The following ZBTB20 variants were observed in gnomAD, a reference collection of about 807,000 sequenced individuals.
The protein encoded by ZBTB20 is zinc finger and BTB domain containing 20.
ZBTB20 carries 9 observed loss-of-function variants against 56.9 expected under a neutral mutation model. The observed-to-expected ratio is 0.16, with a 90% CI of 0.10 to 0.28. ZBTB20 has a LOEUF of 0.28. Among genes scored for constraint, ZBTB20 ranks in the 10% least tolerant of loss-of-function variants. ZBTB20 has a pLI of 1.00. For missense variants in ZBTB20, 655 were observed against 1,003.0 expected, an observed-to-expected ratio of 0.65 and a Z score of 4.69; for synonymous variants, 417 against 420.7, an observed-to-expected ratio of 0.99 and a Z score of 0.11.
intron 3 of ZBTB20, among the ~76,000 whole-genome samples, chr3:114,971,099 T>G (rs2077863584): frequency 6.6e-6 from 1 of 152,276 alleles, no homozygotes; most frequent in East Asian, 1.9e-4. Flanking sequence ...GTATCAAAAC[T>G]GGGAATTTAT....
At chr3:114,473,112 A>C (rs147576722) in intron 7 of ZBTB20, among the ~76,000 whole-genome samples, 171 of 152,304 alleles carry the variant, frequency 1.1e-3, no homozygotes, top group African/African-American at 3.9e-3. Flanking sequence ...GCACAGACAT[A>C]CTTCAACTGT....
chr3:114,640,293 G>T (rs1479787039), intron 6 of ZBTB20, among the ~76,000 whole-genome samples: 1 of 152,056 alleles, frequency 6.6e-6, no homozygotes, highest in Non-Finnish European at 1.5e-5. Flanking sequence ...AGGGCGGGGT[G>T]AATGATTCTC....
intron 10 of ZBTB20, among the ~76,000 whole-genome samples, chr3:114,361,269 A>G (rs2081847485): frequency 6.6e-6 from 1 of 152,162 alleles, no homozygotes; most frequent in Non-Finnish European, 1.5e-5. Context: ...TCTTCTGCTG[A>G]ATTTTCCGCA....
chr3:115,079,520 C>T (rs1576728097), intron 1 of ZBTB20, among the ~76,000 whole-genome samples: 1 of 152,254 alleles, frequency 6.6e-6, no homozygotes, highest in East Asian at 1.9e-4. Flanking sequence ...TCCTGAGTAG[C>T]TGGAATTGCA....
intron 3 of ZBTB20, chr3:114,930,604 C>G (rs928147508): frequency 6.3e-6 from 1 of 159,284 alleles, no homozygotes; most frequent in African/African-American, 2.4e-5. Context: ...CCACCTGCAG[C>G]GGCGCAGGGA....
intron 10 of ZBTB20, among the ~76,000 whole-genome samples, chr3:114,360,834 G>T (rs536094292): frequency 6.6e-6 from 1 of 151,922 alleles, no homozygotes; most frequent in Non-Finnish European, 1.5e-5. Flanking sequence ...ATTCATCTGC[G>T]CACCTAGGGT....
intron 8 of ZBTB20, among the ~76,000 whole-genome samples, chr3:114,382,978 T>C (rs2084572760): frequency 6.6e-6 from 1 of 152,242 alleles, no homozygotes; most frequent in East Asian, 1.9e-4. Flanking sequence ...CAATGTAGCT[T>C]AGACAAAGCT....
rs1044036480 is a variant in ZBTB20, at chr3:114,948,451, A to G, written c.-456+25915T>C. Among the ~76,000 whole-genome samples the G allele has an allele frequency of 2.7e-5, 4 of 146,274 alleles. 1 individual carries two copies. The highest frequency in any genetic ancestry group is 5.6e-5 in the African/African-American group (2 of 36,020). ...CAAGTCAAAAACACTTATAAATTAAAGTTATATGGAATGAAAAGGTAGAAA... is the reference window on the plus strand; with the variant it reads ...CAAGTCAAAAACACTTATAAATTAAGGTTATATGGAATGAAAAGGTAGAAA... On this transcript the variant is annotated intron_variant, in intron 3 of 11. Coordinates refer to ENST00000675478, the MANE Select transcript of ZBTB20 (RefSeq NM_001348800.3).
intron 5 of ZBTB20, among the ~76,000 whole-genome samples, chr3:114,696,497 A>C (rs2063023621): frequency 1.3e-5 from 2 of 151,996 alleles, no homozygotes; most frequent in South Asian, 2.1e-4. Flanking sequence ...TTCTTCTAAG[A>C]GATGCCTAAC....
At chr3:115,122,594 C>A (rs894355497) in intron 1 of ZBTB20, among the ~76,000 whole-genome samples, 2 of 152,008 alleles carry the variant, frequency 1.3e-5, no homozygotes, top group Non-Finnish European at 2.9e-5. Context: ...TGTCACAGTC[C>A]CTCAGTGCCT....
intron 4 of ZBTB20, among the ~76,000 whole-genome samples, chr3:114,859,398 T>G (rs1008383076): frequency 1.3e-5 from 2 of 151,744 alleles, no homozygotes; most frequent in Non-Finnish European, 2.9e-5. Context: ...CCTTCTTCCT[T>G]TTCTTTTCTC....
intron 5 of ZBTB20, among the ~76,000 whole-genome samples, chr3:114,782,403 G>A (rs1347681559): frequency 1.3e-5 from 2 of 152,130 alleles, no homozygotes; most frequent in African/African-American, 2.4e-5. Flanking sequence ...ATGGAGGGGC[G>A]TGTTGAAGTA....
intron 7 of ZBTB20, among the ~76,000 whole-genome samples, chr3:114,431,697 T>C (rs2090135955): frequency 6.6e-6 from 1 of 152,150 alleles, no homozygotes; most frequent in South Asian, 2.1e-4. Context: ...TACCCCAATA[T>C]TAATGACAAA....
intron 6 of ZBTB20, among the ~76,000 whole-genome samples, chr3:114,589,301 C>T (rs1267635970): frequency 6.6e-6 from 1 of 152,128 alleles, no homozygotes; most frequent in Non-Finnish European, 1.5e-5. Context: ...ATACCAACAA[C>T]TGGGTTTAGA....
At chr3:114,839,793 G>C (rs1012848211) in intron 4 of ZBTB20, among the ~76,000 whole-genome samples, 1 of 152,190 alleles carries the variant, frequency 6.6e-6, no homozygotes, top group Non-Finnish European at 1.5e-5. Flanking sequence ...TGTGAAGACA[G>C]AGGCACAAAC....
chr3:114,849,011 T>C (rs1170108473), intron 4 of ZBTB20, among the ~76,000 whole-genome samples: 3 of 152,246 alleles, frequency 2.0e-5, no homozygotes, highest in African/African-American at 7.2e-5. Context: ...CAACCACAGA[T>C]GGCAACAGTC....
At chr3:114,785,099 G>GAC (rs981204878) in intron 5 of ZBTB20, among the ~76,000 whole-genome samples, 1 of 152,000 alleles carries the variant, frequency 6.6e-6, no homozygotes, top group African/African-American at 2.4e-5. Context: ...GACCCCAAAA[G>GAC]ACACACACAC....
intron 6 of ZBTB20, among the ~76,000 whole-genome samples, chr3:114,628,318 T>A (rs1327510029): frequency 1.3e-5 from 2 of 152,168 alleles, no homozygotes; most frequent in African/African-American, 4.8e-5. Flanking sequence ...TTTGAAGGCG[T>A]TTAAGGAAAA....
At position 115,115,127 on chromosome 3, in the gene ZBTB20, C is replaced by T. The variant is rs184454662; in HGVS notation, c.-703+32092G>A. The stretch of plus-strand genomic sequence containing the variant: ...CATTTTAAAGCTTTAACTTAAAAAA[C>T]GAAAACAAAGTGACCACATCAATGA... On this transcript the variant is annotated intron_variant, in intron 1 of 11. Transcript: ENST00000675478. Among the ~76,000 whole-genome samples the T allele has an allele frequency of 5.8e-3, 885 of 152,086 alleles. 9 individuals are homozygous for T. Among genetic ancestry groups the T allele is most frequent in the African/African-American group, 0.02 (836 of 41,530 alleles).
Sources: allele counts gnomAD v4.1 joint callset (sites outside exome capture counted in the v4.1 genomes callset), GRCh38; gene constraint gnomAD v4.1.1; transcripts MANE v1.5; gene names NCBI Gene and HGNC (gene_info 2026-07-23, HGNC 2026-07-21).